The following VMP1 variants were observed in gnomAD, a reference collection of about 807,000 sequenced individuals.
VMP1 encodes vacuole membrane protein 1.
In VMP1, 11 loss-of-function variants were observed where a neutral mutation model predicts 56.0. The ratio of observed to expected loss-of-function variants is 0.20; its 90% CI spans 0.12 to 0.32. The LOEUF is 0.32. Ranked by LOEUF, VMP1 falls within the 10% of genes least tolerant of loss-of-function variation. The pLI is 1.00. For missense variants in VMP1, 296 were observed against 490.3 expected (o/e 0.60, Z 3.74); for synonymous variants, 149 against 165.0 (o/e 0.90, Z 0.74).
At chr17:59,805,655 T>C (rs547089711) in intron 7 of VMP1, among the ~76,000 whole-genome samples, 30 of 112,452 alleles carry the variant, frequency 2.7e-4, no homozygotes, top group Non-Finnish European at 5.1e-4. Flanking sequence ...AAACTCAAAA[T>C]AAAAGCAAAA....
At chr17:59,777,729 G>A (rs768759522) in intron 7 of VMP1, among the ~76,000 whole-genome samples, 1 of 152,014 alleles carries the variant, frequency 6.6e-6, no homozygotes, top group Non-Finnish European at 1.5e-5. Context: ...CAGGAGAATC[G>A]CGTGAACCCT....
In VMP1 at chr17:59,811,798, C is replaced by T; in HGVS notation, c.912+12C>T. ...AAATGCATATCCAGGTAATTATACC[C>T]CCTGATTCACTGCCTAATGATGATG... On this transcript the variant is annotated intron_variant, in intron 9 of 11. Coordinates refer to ENST00000262291, the MANE Select transcript of VMP1 (RefSeq NM_030938.5). 1 of 1,504,964 alleles carries T rather than the reference C, an allele frequency of 6.6e-7. No homozygotes were observed. Among genetic ancestry groups the T allele is most frequent in the Admixed American group, 1.7e-5 (1 of 59,726 alleles). The allele number at this position is 1,504,964 out of a possible 1,614,324, so 93.2% of individuals were successfully genotyped here.
intron 1 of VMP1, among the ~76,000 whole-genome samples, chr17:59,710,769 C>A (rs1568001510): frequency 6.6e-6 from 1 of 152,066 alleles, no homozygotes; most frequent in Non-Finnish European, 1.5e-5. Context: ...AATGTTGTTG[C>A]TAAAGAGTAG....
At chr17:59,798,979 A>G (rs1240937025) in intron 7 of VMP1, among the ~76,000 whole-genome samples, 2 of 152,256 alleles carry the variant, frequency 1.3e-5, no homozygotes, top group Admixed American at 1.3e-4. Flanking sequence ...GCCCTAGATA[A>G]TATAAATATG....
At chr17:59,727,742 C>G (rs1206524415) in intron 1 of VMP1, among the ~76,000 whole-genome samples, 3 of 152,310 alleles carry the variant, frequency 2.0e-5, no homozygotes, top group East Asian at 3.9e-4. Context: ...TTTATTACCT[C>G]CTACTCTTTT....
chr17:59,804,095 A>G (rs2037764892), intron 7 of VMP1, among the ~76,000 whole-genome samples: 2 of 152,158 alleles, frequency 1.3e-5, no homozygotes, highest in Admixed American at 6.5e-5. Context: ...ATATTATTCT[A>G]AAATCACAAT....
rs756079522 is a variant in VMP1, at chr17:59,775,235, C to T, written c.714+1350C>T. On this transcript the variant is annotated intron_variant, in intron 7 of 11. Coordinates refer to ENST00000262291, the MANE Select transcript of VMP1 (RefSeq NM_030938.5). ...CTGGGATTACAGGCGTGAGCCACCA[C>T]GCCCGGCCTACAAAAAATTTTTTAA... 2.0e-4 allele frequency among the ~76,000 whole-genome samples: 30 copies of T among 152,096 alleles called. 1 individual carries two copies. The Middle Eastern group carries it at 0.016, about 80-fold the overall frequency.
intron 7 of VMP1, among the ~76,000 whole-genome samples, chr17:59,785,648 C>G (rs2036981895): frequency 1.3e-5 from 2 of 149,894 alleles, no homozygotes; most frequent in South Asian, 4.2e-4. Context: ...TGAGATCACA[C>G]CACTGCACTC....
At chr17:59,757,926 C>T (rs1402924076) in intron 5 of VMP1, among the ~76,000 whole-genome samples, 1 of 129,734 alleles carries the variant, frequency 7.7e-6, no homozygotes, top group Non-Finnish European at 1.6e-5. Context: ...GATCTCAGCT[C>T]ACAGCAACCT....
intron 10 of VMP1, chr17:59,833,920 A>G (rs1295652565): frequency 3.9e-5 from 6 of 152,096 alleles, no homozygotes; most frequent in Admixed American, 6.6e-5. Context: ...GACTATGGCT[A>G]TCCCTGGTAG....
intron 1 of VMP1, among the ~76,000 whole-genome samples, chr17:59,709,032 C>T (rs2033801861): frequency 6.6e-6 from 1 of 152,128 alleles, no homozygotes; most frequent in Non-Finnish European, 1.5e-5. Flanking sequence ...AGTCACATTC[C>T]AGAAGAAAAT....
At chr17:59,826,330 G>A (rs185500304) in intron 10 of VMP1, among the ~76,000 whole-genome samples, 19 of 152,300 alleles carry the variant, frequency 1.2e-4, no homozygotes, top group African/African-American at 3.6e-4. Flanking sequence ...GGAAGTTACC[G>A]TTGACCATTT....
intron 5 of VMP1, among the ~76,000 whole-genome samples, chr17:59,752,547 TAAAA>T (rs916201703): frequency 1.3e-5 from 2 of 152,032 alleles, no homozygotes; most frequent in Non-Finnish European, 2.9e-5. Context: ...ATGAGTTGTA[TAAAA>T]AAAATTAAGA....
intron 10 of VMP1, among the ~76,000 whole-genome samples, chr17:59,831,560 C>T (rs139701333): frequency 6.7e-5 from 10 of 150,014 alleles, no homozygotes; most frequent in African/African-American, 2.4e-4. Flanking sequence ...ATTTTGTTTG[C>T]AATTTGGCAA....
At chr17:59,710,361 T>G (rs2033869930) in intron 1 of VMP1, among the ~76,000 whole-genome samples, 1 of 152,222 alleles carries the variant, frequency 6.6e-6, no homozygotes, top group Non-Finnish European at 1.5e-5. Flanking sequence ...GCTTAGGTAG[T>G]GCTAGAACCT....
At chr17:59,766,295 G>A (rs973797744) in intron 6 of VMP1, among the ~76,000 whole-genome samples, 1 of 152,154 alleles carries the variant, frequency 6.6e-6, no homozygotes, top group Non-Finnish European at 1.5e-5. Context: ...CTTGAGGCCA[G>A]GAGTTCGAGA....
intron 8 of VMP1, among the ~76,000 whole-genome samples, chr17:59,809,683 T>C (rs964378403): frequency 6.6e-6 from 1 of 150,520 alleles, no homozygotes; most frequent in Non-Finnish European, 1.5e-5. Context: ...ATTTTTTGTA[T>C]TTTTAGTAGA....
chr17:59,840,068 A>G lies in VMP1; in HGVS notation c.*157A>G. ...TTTAGTCCATACTTTGCACTGACAT[A>G]CTTTTTCCTTCTGTGCTAAGGTAAG... On this transcript the variant is annotated 3_prime_UTR_variant, in exon 12 of 12. Coordinates refer to ENST00000262291, the MANE Select transcript of VMP1 (RefSeq NM_030938.5). 1.1e-6 allele frequency: 1 copy of G among 892,666 alleles called. No individual in the cohort carries two copies. The highest frequency in any genetic ancestry group is 1.7e-6 in the Non-Finnish European group (1 of 603,296). 55.3% of individuals were successfully genotyped at this position (892,666 alleles called of 1,614,324 possible).
At chr17:59,726,291 G>GTTT (rs541555827) in intron 1 of VMP1, among the ~76,000 whole-genome samples, 11 of 145,054 alleles carry the variant, frequency 7.6e-5, no homozygotes, top group Non-Finnish European at 6.0e-5. Flanking sequence ...AGTTTTTTTT[G>GTTT]TTTTTTTTTT....
Sources: allele counts gnomAD v4.1 joint callset (sites outside exome capture counted in the v4.1 genomes callset), GRCh38; gene constraint gnomAD v4.1.1; transcripts MANE v1.5; gene names NCBI Gene and HGNC (gene_info 2026-07-23, HGNC 2026-07-21).